Variants in TBC1D22A observed in about 807,000 individuals in gnomAD.
TBC1D22A encodes the protein putative GTPase activator.
In TBC1D22A, 38 loss-of-function variants were observed where a neutral mutation model predicts 60.2. The observed-to-expected ratio is 0.63, with a 90% CI of 0.49 to 0.83. The LOEUF (loss-of-function observed/expected upper bound fraction) is 0.83, where lower values mean the gene tolerates loss of function less well. Among genes scored for constraint, TBC1D22A ranks in the 40% least tolerant of loss-of-function variants. TBC1D22A has a pLI of 0.00. For synonymous variants in TBC1D22A, 302 were observed against 281.7 expected (o/e 1.07, Z -0.72); for missense variants, 628 against 701.0 (o/e 0.90, Z 1.18).
At chr22:46,980,518 T>A (rs2074473071) in intron 9 of TBC1D22A, among the ~76,000 whole-genome samples, 1 of 152,210 alleles carries the variant, frequency 6.6e-6, no homozygotes, top group East Asian at 1.9e-4. Context: ...CAAACAGAAC[T>A]TCTAGCATCG....
chr22:46,824,398 G>A (rs1414920586), intron 4 of TBC1D22A, among the ~76,000 whole-genome samples: 1 of 152,186 alleles, frequency 6.6e-6, no homozygotes, highest in African/African-American at 2.4e-5. Context: ...AGGGGTGTGT[G>A]GGGATGAGCT....
Position 46,918,011 on chromosome 22 carries a change from G to A in TBC1D22A, c.1015+5823G>A, listed in dbSNP as rs539555887. On this transcript the variant is annotated intron_variant, in intron 8 of 12. Coordinates refer to ENST00000337137, the MANE Select transcript of TBC1D22A (RefSeq NM_014346.5). ...ATCCAGACGCTGCCCCTGAAGAGCT[G>A]CAGGCGGCCTTGGTGCCTCAGTGAT... Among the ~76,000 whole-genome samples, 234 of 152,326 alleles carry A rather than the reference G, an allele frequency of 1.5e-3. 1 individual carries two copies. Among genetic ancestry groups the A allele is most frequent in the Middle Eastern group, 0.01 (3 of 294 alleles).
intron 8 of TBC1D22A, among the ~76,000 whole-genome samples, chr22:46,953,844 G>A (rs2073045494): frequency 6.6e-6 from 1 of 152,240 alleles, no homozygotes; most frequent in South Asian, 2.1e-4. Context: ...CAGCTTAGCT[G>A]TGCATGTGTG....
intron 9 of TBC1D22A, among the ~76,000 whole-genome samples, chr22:46,978,410 A>G (rs1246469992): frequency 1.3e-5 from 2 of 152,214 alleles, no homozygotes; most frequent in African/African-American, 2.4e-5. Context: ...ATAGATTACT[A>G]TTTTTCGAAA....
In TBC1D22A at chr22:46,997,621, CT is replaced by C; in HGVS notation, c.1126-7del. The stretch of plus-strand genomic sequence containing the variant: ...TTATATGCATATGATTCACATTATT[CT>C]TTTTTCCTTAGGACAACTACACCTT... On this transcript the variant is annotated splice_polypyrimidine_tract_variant and intron_variant, in intron 9 of 12. Transcript: ENST00000337137. 1 of 1,610,102 alleles carries C rather than the reference CT, an allele frequency of 6.2e-7. No homozygotes were observed. The highest frequency in any genetic ancestry group is 8.5e-7 in the Non-Finnish European group (1 of 1,177,240).
intron 4 of TBC1D22A, among the ~76,000 whole-genome samples, chr22:46,808,532 C>T (rs1272183511): frequency 6.6e-6 from 1 of 151,942 alleles, no homozygotes; most frequent in Non-Finnish European, 1.5e-5. Context: ...AGGATATCAC[C>T]TTTATCCTGA....
intron 11 of TBC1D22A, among the ~76,000 whole-genome samples, chr22:47,058,886 A>C (rs2063482753): frequency 6.6e-6 from 1 of 152,190 alleles, no homozygotes; most frequent in African/African-American, 2.4e-5. Flanking sequence ...CAGGTGAAGG[A>C]GACAGATCTT....
chr22:47,044,918 C>T (rs2062979671), intron 11 of TBC1D22A, among the ~76,000 whole-genome samples: 1 of 152,206 alleles, frequency 6.6e-6, no homozygotes, highest in South Asian at 2.1e-4. Flanking sequence ...GAGATGGTTT[C>T]TTCCCCCTGC....
intron 11 of TBC1D22A, among the ~76,000 whole-genome samples, chr22:47,049,508 C>T (rs16996232): frequency 0.023 from 3,453 of 152,306 alleles, 118 homozygotes; most frequent in African/African-American, 0.078. Flanking sequence ...AGAGTACATG[C>T]ATATTGCTGA....
chr22:46,787,396 C>T (rs540608575), intron 1 of TBC1D22A, among the ~76,000 whole-genome samples: 23 of 152,280 alleles, frequency 1.5e-4, no homozygotes, highest in South Asian at 2.1e-4. Context: ...TCGAGTGGCC[C>T]GGCCAGTGCA....
intron 11 of TBC1D22A, among the ~76,000 whole-genome samples, chr22:47,091,002 GGTGGCTGC>G (rs2064926414): frequency 7.7e-5 from 10 of 130,480 alleles, no homozygotes; most frequent in East Asian, 4.9e-4. Flanking sequence ...TCGCAGAGGG[GGTGGCTGC>G]TTGTTGATAG....
chr22:46,807,292 A>G (rs1334171160), intron 4 of TBC1D22A, among the ~76,000 whole-genome samples: 2 of 74,256 alleles, frequency 2.7e-5, no homozygotes, highest in South Asian at 5.4e-4. Context: ...TGATGATAGT[A>G]GTGATGGCGA....
intron 10 of TBC1D22A, among the ~76,000 whole-genome samples, chr22:47,015,032 A>G (rs2061863019): frequency 1.3e-5 from 2 of 152,330 alleles, no homozygotes; most frequent in East Asian, 3.9e-4. Flanking sequence ...TTGGACCCAT[A>G]GGTTCACCTC....
chr22:47,172,699 A>C (rs1487800415), intron 12 of TBC1D22A, among the ~76,000 whole-genome samples: 1 of 152,236 alleles, frequency 6.6e-6, no homozygotes, highest in Non-Finnish European at 1.5e-5. Flanking sequence ...AAAGCAATAA[A>C]TAAATAAATG....
At chr22:47,100,943 T>A (rs1399552020) in intron 11 of TBC1D22A, among the ~76,000 whole-genome samples, 1 of 152,190 alleles carries the variant, frequency 6.6e-6, no homozygotes, top group East Asian at 1.9e-4. Flanking sequence ...CTGAATGAGC[T>A]TTGGGCTTCT....
chr22:47,085,580 TAAA>T (rs890270585), intron 11 of TBC1D22A, among the ~76,000 whole-genome samples: 5 of 152,160 alleles, frequency 3.3e-5, no homozygotes, highest in Admixed American at 6.5e-5. Flanking sequence ...GTATTCAGAT[TAAA>T]AAATGACTAA....
intron 12 of TBC1D22A, among the ~76,000 whole-genome samples, chr22:47,124,004 C>G (rs1242540296): frequency 1.3e-5 from 2 of 152,124 alleles, no homozygotes; most frequent in African/African-American, 4.8e-5. Flanking sequence ...CACCGTGAAA[C>G]AGGAAAGAGG....
intron 10 of TBC1D22A, among the ~76,000 whole-genome samples, chr22:47,008,741 G>A (rs9615438): frequency 0.044 from 6,735 of 152,286 alleles, 244 homozygotes; most frequent in African/African-American, 0.091. Flanking sequence ...GTGAGGCCTG[G>A]GTACAGGCAT....
chr22:46,900,037 T>TTC (rs35386028), intron 7 of TBC1D22A, among the ~76,000 whole-genome samples: 104,854 of 151,502 alleles, frequency 0.69, 36,724 homozygotes, highest in Middle Eastern at 0.85. Flanking sequence ...TCTACTTTCC[T>TTC]TCTTCCTCCT....
Sources: gnomAD v4.1 joint callset for allele counts (sites outside exome capture counted in the v4.1 genomes callset) on GRCh38, gnomAD v4.1.1 for gene constraint, MANE v1.5 for transcripts, NCBI Gene and HGNC (gene_info 2026-07-23, HGNC 2026-07-21) for gene names.